COL6A3: variants seen among roughly 807,000 people sequenced by gnomAD.
COL6A3 encodes the protein collagen type VI alpha 3 chain.
Under a neutral mutation model 274.1 loss-of-function variants are expected in COL6A3, and 137 were observed. The ratio of observed to expected loss-of-function variants is 0.50; its 90% CI spans 0.44 to 0.58. COL6A3 has a LOEUF of 0.58. Among genes scored for constraint, COL6A3 ranks in the 20% least tolerant of loss-of-function variants. COL6A3 has a pLI of 0.00. For missense variants in COL6A3, 3,950 were observed against 4,124.9 expected, an observed-to-expected ratio of 0.96 and a Z score of 1.16; for synonymous variants, 1,650 against 1,650.6, an observed-to-expected ratio of 1.00 and a Z score of 0.01.
chr2:237,411,382 C>T (rs1380151601), intron 1 of COL6A3, among the ~76,000 whole-genome samples: 1 of 152,212 alleles, frequency 6.6e-6, no homozygotes, highest in Non-Finnish European at 1.5e-5. Flanking sequence ...ATATCAACCG[C>T]TGGTGAAGAC....
rs746169209 is a variant in COL6A3, at chr2:237,344,334, C to T, written c.7668+16G>A. The T allele has an allele frequency of 7.6e-5, 123 of 1,613,998 alleles. No homozygotes were observed. The highest frequency in any genetic ancestry group is 4.2e-4 in the South Asian group (38 of 91,088). On this transcript the variant is annotated intron_variant, in intron 36 of 43. Transcript: ENST00000295550. The surrounding 1 kb of genome is among the most constrained non-coding windows in gnomAD (Gnocchi z 4.8). ...AGAAGAAAGGGAGATGCCAACAGCACGCACAGAGCACAGACCTGCAAAGCG... is the reference window on the plus strand; with the variant it reads ...AGAAGAAAGGGAGATGCCAACAGCATGCACAGAGCACAGACCTGCAAAGCG...
In COL6A3 at chr2:237,371,264, C is replaced by T. The variant is rs943206691; in HGVS notation, c.4285+468G>A. On this transcript the variant is annotated intron_variant, in intron 9 of 43. Coordinates refer to ENST00000295550, the MANE Select transcript of COL6A3 (RefSeq NM_004369.4). This position sits in a 1 kb window ranked among gnomAD's most constrained non-coding sequence, Gnocchi z 4.3. ...GAGCAATAGACCCAACTTGTTCAGT[C>T]GCAGGTGTGTCCTGGTGGGGTCTGG... Among the ~76,000 whole-genome samples the T allele has an allele frequency of 6.6e-6, 1 of 152,122 alleles. No individual in the cohort carries two copies. The highest frequency in any genetic ancestry group is 1.9e-4 in the East Asian group (1 of 5,192).
intron 42 of COL6A3, among the ~76,000 whole-genome samples, chr2:237,332,050 C>T (rs1190091837): frequency 5.1e-5 from 5 of 98,882 alleles, no homozygotes; most frequent in Non-Finnish European, 1.0e-4. Flanking sequence ...TCTCTCCCCC[C>T]ATCTCTCTCT....
rs1272212665 is a variant in COL6A3 at position 237,363,297 on chromosome 2, T to C, written c.6019A>G (p.Arg2007Gly). The C allele has an allele frequency of 6.2e-7, 1 of 1,614,058 alleles. No homozygotes were observed. The highest frequency in any genetic ancestry group is 1.1e-5 in the South Asian group (1 of 91,074). ...TAATCCAAGTCCAGCAAGTTAAGCC[T>C]CAGGGGCCTGTCATACATAAACCCT... Reference protein sequence around the residue: ...GRGFMYDRPLRLNLLDLDYEL... With the variant: ...GRGFMYDRPLGLNLLDLDYEL... The change falls in exon 14 of 44, where the codon AGG becomes GGG. Residue 2007 changes from arginine (R) to glycine (G), a missense_variant. By Grantham distance (125) the Arg-to-Gly change is moderately radical. Coordinates refer to ENST00000295550, the MANE Select transcript of COL6A3 (RefSeq NM_004369.4).
At chr2:237,334,038 G>A (rs902151031) in intron 41 of COL6A3, among the ~76,000 whole-genome samples, 2 of 152,168 alleles carry the variant, frequency 1.3e-5, no homozygotes, top group Non-Finnish European at 2.9e-5. Context: ...TGAGAGAGGG[G>A]ACCATGAATA....
intron 7 of COL6A3, among the ~76,000 whole-genome samples, chr2:237,375,274 A>G (rs926048054): frequency 2.0e-5 from 3 of 152,180 alleles, no homozygotes; most frequent in African/African-American, 4.8e-5. Flanking sequence ...GTTAGAGAGA[A>G]GATGTAAGGA....
Position 237,374,794 on chromosome 2 carries a change from G to T in COL6A3, c.3297C>A (p.Thr1099=). The T allele has an allele frequency of 1.2e-6, 2 of 1,614,020 alleles. No homozygotes were observed. The highest frequency in any genetic ancestry group is 1.7e-6 in the Non-Finnish European group (2 of 1,180,016). Residue 1099 remains threonine, a synonymous_variant, in exon 8 of 44, where the codon ACC becomes ACA. Coordinates refer to ENST00000295550, the MANE Select transcript of COL6A3 (RefSeq NM_004369.4). This position sits in a 1 kb window ranked among gnomAD's most constrained non-coding sequence, Gnocchi z 4.8. ...QDVVNAVRQL[T]LLGGPTPNTG... is the part of the protein sequence containing the mutation. ...TGTTGGGGGTCGGCCCTCCCAGCAG[G>T]GTCAGCTGGCGGACAGCGTTGACGA...
At chr2:237,412,120 A>G (rs1185012315) in intron 1 of COL6A3, among the ~76,000 whole-genome samples, 1 of 152,210 alleles carries the variant, frequency 6.6e-6, no homozygotes, top group Non-Finnish European at 1.5e-5. Context: ...AGAAGTCCAG[A>G]CAGGCAGCTG....
intron 26 of COL6A3, among the ~76,000 whole-genome samples, chr2:237,352,053 G>T (rs1209132104): frequency 6.6e-6 from 1 of 152,192 alleles, no homozygotes; most frequent in Non-Finnish European, 1.5e-5. Context: ...ATTGCTGATA[G>T]CTGCTTTGCA....
chr2:237,347,542 G>T (rs560154248), intron 31 of COL6A3, among the ~76,000 whole-genome samples: 1 of 152,304 alleles, frequency 6.6e-6, no homozygotes, highest in Admixed American at 6.5e-5. Context: ...ACTGCAGGTG[G>T]GTGCTGTGCC....
rs137910388 is a variant in COL6A3, at chr2:237,396,784, C to T, written c.34G>A (p.Val12Ile). 6.0e-4 allele frequency: 962 copies of T among 1,614,154 alleles called. 12 individuals carry two copies. The South Asian group carries it at 9.2e-3, about 15-fold the overall frequency. ...AAGCCTGAGAGAAAGAGGCAAAAGACGGCCACTAAGGGCAAGTGCCGATGT... is the reference window on the plus strand; with the variant it reads ...AAGCCTGAGAGAAAGAGGCAAAAGATGGCCACTAAGGGCAAGTGCCGATGT... ...RKHRHLPLVAVFCLFLSGFPT... is the reference protein window; with the variant it reads ...RKHRHLPLVAIFCLFLSGFPT... The change falls in exon 2 of 44, where the codon GTC becomes ATC. Residue 12 changes from valine to isoleucine, a missense_variant. Val to Ile is a conservative substitution (Grantham distance 29, BLOSUM62 3). Around this residue, in one of 5 missense-constraint regions of COL6A3, gnomAD observed 1,934 missense variants for 1,984.3 expected, o/e 0.97. Transcript: ENST00000295550.
chr2:237,393,498 A>G (rs2078344486), intron 3 of COL6A3, among the ~76,000 whole-genome samples: 1 of 151,982 alleles, frequency 6.6e-6, no homozygotes, highest in Admixed American at 6.6e-5. Context: ...CCCTTTTCTC[A>G]TGCCTTCCCT....
In COL6A3 at chr2:237,339,055, G is replaced by C. The variant is rs756595743; in HGVS notation, c.8527C>G (p.Gln2843Glu). The change falls in exon 39 of 44, where the codon CAA becomes GAA. Residue 2843 changes from glutamine (Q) to glutamate (E), a missense_variant. Coordinates refer to ENST00000295550, the MANE Select transcript of COL6A3 (RefSeq NM_004369.4). ...AACTTCACAAGGTTCTTTGTGGGTT[G>C]GTCCCCTTGGAACCAATCACACTGT... ...RKQCDWFQGD[Q>E]PTKNLVKFGH... 6.2e-7 allele frequency: 1 copy of C among 1,613,950 alleles called. No homozygotes were observed. The highest frequency in any genetic ancestry group is 1.7e-5 in the Admixed American group (1 of 60,008).
At position 237,390,154 on chromosome 2, in the gene COL6A3, T is replaced by C. The variant is rs146462092; in HGVS notation, c.710-1970A>G. 2.3e-3 allele frequency among the ~76,000 whole-genome samples: 349 copies of C among 152,342 alleles called. 2 individuals carry two copies. Among genetic ancestry groups the C allele is most frequent in the African/African-American group, 7.8e-3 (324 of 41,568 alleles). On this transcript the variant is annotated intron_variant, in intron 3 of 43. Transcript: ENST00000295550. ...TAAAAGAAGGATTAAATATGATCAA[T>C]ACAGTCAAGCTTTTAAAAATGATCC...
rs7605340 is a variant in COL6A3, at chr2:237,353,101, T to C, written c.6690+240A>G. Among the ~76,000 whole-genome samples the C allele has an allele frequency of 0.6, 90,744 of 151,382 alleles. 27,353 individuals are homozygous for C. The highest frequency in any genetic ancestry group is 0.66 in the East Asian group (3,388 of 5,116). On this transcript the variant is annotated intron_variant, in intron 25 of 43. Coordinates refer to ENST00000295550, the MANE Select transcript of COL6A3 (RefSeq NM_004369.4). ...TCCATAAAGAGAGAGAGATTAGTGG[T>C]TTCCAGGGACTCGGGGTGGAGGGTG... is the stretch of plus-strand genomic sequence containing the variant.
At chr2:237,405,497 GAC>G (rs1246773490) in intron 1 of COL6A3, among the ~76,000 whole-genome samples, 1 of 151,996 alleles carries the variant, frequency 6.6e-6, no homozygotes, top group Non-Finnish European at 1.5e-5. Flanking sequence ...CTCATTCCCC[GAC>G]ACCACCCTCC....
intron 3 of COL6A3, among the ~76,000 whole-genome samples, chr2:237,392,330 T>C (rs1344498376): frequency 6.6e-6 from 1 of 152,240 alleles, no homozygotes; most frequent in Non-Finnish European, 1.5e-5. Flanking sequence ...TGAATCCTTG[T>C]TATGAAAAAC....
intron 4 of COL6A3, among the ~76,000 whole-genome samples, chr2:237,385,570 G>A (rs1343812198): frequency 1.3e-5 from 2 of 152,190 alleles, no homozygotes; most frequent in African/African-American, 2.4e-5. Context: ...CCAGAGACCA[G>A]CTTTCCCATC....
chr2:237,374,781 G>T lies in COL6A3; in HGVS notation c.3310C>A (p.Pro1104Thr), dbSNP rs749985377. 14 of 1,613,916 alleles carry T rather than the reference G, an allele frequency of 8.7e-6. No individual in the cohort carries two copies. ...AVRQLTLLGG[P>T]TPNTGAALEF... ...AGGGCGGCCCCGGTGTTGGGGGTCG[G>T]CCCTCCCAGCAGGGTCAGCTGGCGG... The change falls in exon 8 of 44, where the codon CCG (proline) becomes ACG (threonine). Residue 1104 changes from proline to threonine, a missense_variant. Around this residue, in one of 5 missense-constraint regions of COL6A3, gnomAD observed 1,934 missense variants for 1,984.3 expected, o/e 0.97. Coordinates refer to ENST00000295550, the MANE Select transcript of COL6A3 (RefSeq NM_004369.4). This position sits in a 1 kb window ranked among gnomAD's most constrained non-coding sequence, Gnocchi z 4.8.
Sources: allele counts gnomAD v4.1 joint callset (sites outside exome capture counted in the v4.1 genomes callset), GRCh38; gene constraint gnomAD v4.1.1; regional missense constraint gnomAD v4.1.1; non-coding constraint Gnocchi (gnomAD v3.1); transcripts MANE v1.5; gene names NCBI Gene and HGNC (gene_info 2026-07-23, HGNC 2026-07-21).